The following MDFIC2 variants were observed in gnomAD, a reference collection of about 807,000 sequenced individuals.
The protein encoded by MDFIC2 is MyoD family inhibitor domain containing 2, also known as myoD family inhibitor domain-containing protein 2.
chr3:70,201,271 C>A (rs1370161105), intron 3 of MDFIC2, among the ~76,000 whole-genome samples: 2 of 152,104 alleles, frequency 1.3e-5, no homozygotes, highest in Non-Finnish European at 2.9e-5. Flanking sequence ...TCATTTAGCT[C>A]CCACTTATGG....
chr3:70,209,364 C>T (rs1180162238), intron 2 of MDFIC2, among the ~76,000 whole-genome samples: 1 of 152,048 alleles, frequency 6.6e-6, no homozygotes, highest in Non-Finnish European at 1.5e-5. Context: ...GGTTGAAAAG[C>T]ACTGCTTTAC....
At chr3:70,219,901 A>C (rs1220803748) in intron 2 of MDFIC2, among the ~76,000 whole-genome samples, 2 of 152,210 alleles carry the variant, frequency 1.3e-5, no homozygotes, top group Admixed American at 6.5e-5. Flanking sequence ...CCATCTAAGC[A>C]TAAGCGTTGT....
intron 3 of MDFIC2, among the ~76,000 whole-genome samples, chr3:70,202,867 G>A (rs910271506): frequency 1.3e-5 from 2 of 152,126 alleles, no homozygotes; most frequent in African/African-American, 4.8e-5. Flanking sequence ...TCACTAGAAA[G>A]CATCATCTTT....
intron 2 of MDFIC2, among the ~76,000 whole-genome samples, chr3:70,286,361 A>T (rs1359519619): frequency 6.6e-6 from 1 of 152,072 alleles, no homozygotes; most frequent in Non-Finnish European, 1.5e-5. Context: ...CAAAGATCAG[A>T]TAGTTGTAGA....
chr3:70,215,848 C>A (rs1302327994), intron 2 of MDFIC2, among the ~76,000 whole-genome samples: 1 of 152,082 alleles, frequency 6.6e-6, no homozygotes, highest in East Asian at 1.9e-4. Flanking sequence ...ACAATGGACT[C>A]ATCCTTAGGG....
intron 2 of MDFIC2, among the ~76,000 whole-genome samples, chr3:70,261,905 G>C (rs1466357272): frequency 6.6e-6 from 1 of 152,222 alleles, no homozygotes; most frequent in South Asian, 2.1e-4. Flanking sequence ...GAAATCCACT[G>C]TTTCATACCT....
intron 2 of MDFIC2, among the ~76,000 whole-genome samples, chr3:70,207,328 G>T (rs1012184515): frequency 1.3e-5 from 2 of 151,996 alleles, no homozygotes; most frequent in Non-Finnish European, 2.9e-5. Flanking sequence ...CCTCACAGTG[G>T]CTTTCTCTGC....
At chr3:70,267,995 C>G (rs1016769043) in intron 2 of MDFIC2, among the ~76,000 whole-genome samples, 16 of 151,174 alleles carry the variant, frequency 1.1e-4, no homozygotes, top group African/African-American at 3.9e-4. Context: ...CCCCTTTCAC[C>G]TCCCCTTTCT....
intron 2 of MDFIC2, among the ~76,000 whole-genome samples, chr3:70,287,204 T>C (rs1702175383): frequency 7.2e-6 from 1 of 138,496 alleles, no homozygotes; most frequent in Non-Finnish European, 1.6e-5. Context: ...TTGTCATAGA[T>C]AGCTCTTATT....
rs1399304380 is a variant in MDFIC2, at chr3:70,196,081, T to C, written c.*845A>G. The stretch of plus-strand genomic sequence containing the variant: ...TGATAGTTTTGTAAAATGAGCTGAA[T>C]CTGTTTTAATATCCTGTTGCTTATT... On this transcript the variant is annotated 3_prime_UTR_variant, in exon 4 of 4. Transcript: ENST00000567252. Among the ~76,000 whole-genome samples the C allele has an allele frequency of 6.6e-6, 1 of 152,214 alleles. No homozygotes were observed. Among genetic ancestry groups the C allele is most frequent in the Non-Finnish European group, 1.5e-5 (1 of 68,032 alleles).
At chr3:70,268,987 A>G (rs986566596) in intron 2 of MDFIC2, among the ~76,000 whole-genome samples, 2 of 152,218 alleles carry the variant, frequency 1.3e-5, no homozygotes. Flanking sequence ...ACCTTCTTGT[A>G]TATTACAAAG....
intron 2 of MDFIC2, among the ~76,000 whole-genome samples, chr3:70,207,932 G>A (rs1221475051): frequency 1.3e-5 from 2 of 151,976 alleles, no homozygotes; most frequent in African/African-American, 4.8e-5. Flanking sequence ...TGCAACAAGC[G>A]CTGGGCTGTA....
chr3:70,281,830 A>T (rs1559553011), intron 2 of MDFIC2, among the ~76,000 whole-genome samples: 1 of 152,308 alleles, frequency 6.6e-6, no homozygotes, highest in East Asian at 1.9e-4. Flanking sequence ...CTTGTTTACA[A>T]TGCAAATTCT....
intron 2 of MDFIC2, chr3:70,291,147 A>T (rs894914151): frequency 1.3e-5 from 2 of 152,116 alleles, no homozygotes; most frequent in Non-Finnish European, 2.9e-5. Context: ...CATAAAAAGT[A>T]TTTTTCACAT....
chr3:70,238,566 C>T (rs907310397), intron 2 of MDFIC2, among the ~76,000 whole-genome samples: 1 of 151,750 alleles, frequency 6.6e-6, no homozygotes, highest in African/African-American at 2.4e-5. Flanking sequence ...GAGCCATGAT[C>T]ACACCACTGT....
At chr3:70,297,035 C>A (rs989120799) in intron 2 of MDFIC2, among the ~76,000 whole-genome samples, 1 of 151,994 alleles carries the variant, frequency 6.6e-6, no homozygotes, top group Non-Finnish European at 1.5e-5. Context: ...ATGGCTTAAC[C>A]AAGGTGTGCT....
At chr3:70,259,199 C>T (rs960575760) in intron 2 of MDFIC2, among the ~76,000 whole-genome samples, 1 of 152,044 alleles carries the variant, frequency 6.6e-6, no homozygotes, top group African/African-American at 2.4e-5. Context: ...TAGCCATTTC[C>T]CAGAACACAT....
At chr3:70,284,781 A>C (rs1205048489) in intron 2 of MDFIC2, among the ~76,000 whole-genome samples, 1 of 152,108 alleles carries the variant, frequency 6.6e-6, no homozygotes, top group East Asian at 1.9e-4. Flanking sequence ...GGATCAGGGA[A>C]AATAACTAAT....
At chr3:70,267,970 C>A (rs568539961) in intron 2 of MDFIC2, among the ~76,000 whole-genome samples, 151 of 151,290 alleles carry the variant, frequency 1.0e-3, no homozygotes, top group African/African-American at 3.5e-3. Flanking sequence ...TTTCCTTTCG[C>A]CTCCCCTTTC....
Sources: allele counts gnomAD v4.1 joint callset (sites outside exome capture counted in the v4.1 genomes callset), GRCh38; gene constraint gnomAD v4.1.1; transcripts MANE v1.5; gene names NCBI Gene and HGNC (gene_info 2026-07-23, HGNC 2026-07-21).